Variants in RNF14 observed in about 807,000 individuals in gnomAD.
RNF14 encodes E3 ubiquitin-protein ligase RNF14.
RNF14 carries 26 observed loss-of-function variants against 52.6 expected under a neutral mutation model. The ratio of observed to expected loss-of-function variants is 0.49; its 90% CI spans 0.36 to 0.69. The LOEUF (loss-of-function observed/expected upper bound fraction) is 0.69, where lower values mean the gene tolerates loss of function less well. Ranked by LOEUF, RNF14 falls within the 30% of genes least tolerant of loss-of-function variation. RNF14 has a pLI of 0.00. For missense variants in RNF14, 404 were observed against 560.4 expected (o/e 0.72, Z 2.82); for synonymous variants, 194 against 202.0 (o/e 0.96, Z 0.34).
upstream of RNF14, among the ~76,000 whole-genome samples, chr5:141,967,208 A>T (rs1392789509): frequency 6.6e-6 from 1 of 152,216 alleles, no homozygotes; most frequent in Non-Finnish European, 1.5e-5. Context: ...AAGACCAACT[A>T]CATAATTTAC....
upstream of RNF14, among the ~76,000 whole-genome samples, chr5:141,965,116 C>A (rs1483966636): frequency 6.6e-6 from 1 of 152,182 alleles, no homozygotes; most frequent in East Asian, 1.9e-4. Flanking sequence ...TTTTCCTCTC[C>A]ACACTGCTGC....
chr5:141,974,235 A>G (rs1412578325), intron 3 of RNF14, among the ~76,000 whole-genome samples: 1 of 152,248 alleles, frequency 6.6e-6, no homozygotes, highest in African/African-American at 2.4e-5. Flanking sequence ...CACTTTCTCA[A>G]AATGTTTCTA....
chr5:141,965,133 G>C (rs1753313253), upstream of RNF14, among the ~76,000 whole-genome samples: 1 of 152,164 alleles, frequency 6.6e-6, no homozygotes, highest in Non-Finnish European at 1.5e-5. Flanking sequence ...CTGCCCCTCT[G>C]TGTTCAAGGG....
rs201399386 is a variant in RNF14 at position 141,979,236 on chromosome 5, T to G, written c.834+406T>G. ...ACAGCCTACTTAGGTGGTGGTGGTG[T>G]TGTTGTTGTTGTTGTTGTTGTTGTT... On this transcript the variant is annotated intron_variant, in intron 5 of 8. Coordinates refer to ENST00000394520, the MANE Select transcript of RNF14 (RefSeq NM_004290.5). Among the ~76,000 whole-genome samples, 431 of 151,222 alleles carry G rather than the reference T, an allele frequency of 2.9e-3. 1 individual carries two copies. Among genetic ancestry groups the G allele is most frequent in the Middle Eastern group, 6.9e-3 (2 of 290 alleles).
rs1389077711 is a variant in RNF14, at chr5:141,987,735, T to A, written c.1370T>A (p.Leu457Gln). The change falls in exon 9 of 9, where the codon CTG becomes CAG. Residue 457 changes from leucine (L) to glutamine (Q), a missense_variant and splice_region_variant. Transcript: ENST00000394520. ...NDPGSPCFNRLFYAVDVDDDI... is the reference protein window; with the variant it reads ...NDPGSPCFNRQFYAVDVDDDI... The stretch of plus-strand genomic sequence containing the variant: ...TGTACCTTTTTTAATGCTTCCAGGC[T>A]GTTTTATGCTGTGGATGTTGACGAC... The A allele has an allele frequency of 6.2e-7, 1 of 1,614,010 alleles. No individual in the cohort carries two copies. The highest frequency in any genetic ancestry group is 8.5e-7 in the Non-Finnish European group (1 of 1,179,926).
At chr5:141,970,015 A>C (rs1305073272) in intron 1 of RNF14, among the ~76,000 whole-genome samples, 1 of 152,242 alleles carries the variant, frequency 6.6e-6, no homozygotes, top group East Asian at 1.9e-4. Flanking sequence ...TGCTCAATTA[A>C]TGTAAATTGA....
At chr5:141,957,036 G>T, upstream of RNF14, 1 of 1,614,196 alleles carries the variant, frequency 6.2e-7, no homozygotes. The surrounding 1 kb of genome is among the most constrained non-coding windows in gnomAD (Gnocchi z 4.3). Flanking sequence ...TGGGGCCTTG[G>T]TCAGGGTCTG....
Position 141,983,385 on chromosome 5 carries a change from T to G in RNF14, c.1069T>G (p.Leu357Val). ...VSPCKVTAEK[L>V]MDLRNEYLQA... ...TTTTCCATTTCACTTTGTAGAGAAA[T>G]TAATGGACTTACGAAATGAATACCT... The change falls in exon 7 of 9, where the codon TTA (leucine) becomes GTA (valine). Residue 357 changes from leucine (L) to valine (V), a missense_variant. Transcript: ENST00000394520. 1 of 1,610,910 alleles carries G rather than the reference T, an allele frequency of 6.2e-7. No homozygotes were observed. Among genetic ancestry groups the G allele is most frequent in the Non-Finnish European group, 8.5e-7 (1 of 1,179,068 alleles).
At chr5:141,967,898 T>G (rs1454233678), upstream of RNF14, among the ~76,000 whole-genome samples, 1 of 152,212 alleles carries the variant, frequency 6.6e-6, no homozygotes, top group East Asian at 1.9e-4. Flanking sequence ...TGGTTTCTAG[T>G]ACACTCACAA....
chr5:141,949,914 G>A, the RNF14 span, among the ~76,000 whole-genome samples: 1 of 152,158 alleles, frequency 6.6e-6, no homozygotes, highest in African/African-American at 2.4e-5. Context: ...TATCATTCTC[G>A]TTGCCCCTCC....
At chr5:141,949,687 A>T in the RNF14 span, 1 of 1,391,606 alleles carries the variant, frequency 7.2e-7, no homozygotes, top group South Asian at 1.4e-5. Flanking sequence ...AGGGAACTGG[A>T]TACACAGCCT....
At chr5:141,950,603 A>G in the RNF14 span, among the ~76,000 whole-genome samples, 1 of 152,150 alleles carries the variant, frequency 6.6e-6, no homozygotes, top group Non-Finnish European at 1.5e-5. Flanking sequence ...TAAGAGATAA[A>G]GCAAGACTTC....
Position 141,984,893 on chromosome 5 carries a change from T to TA in RNF14, c.1328dup (p.Tyr443Ter). 6.2e-7 allele frequency: 1 copy of TA among 1,613,998 alleles called. No individual in the cohort carries two copies. Residue 443 changes from tyrosine to a stop codon, truncating the protein, a stop_gained and frameshift_variant, in exon 8 of 9, where the codon TAC becomes TAAC. Coordinates refer to ENST00000394520, the MANE Select transcript of RNF14 (RefSeq NM_004290.5). LOFTEE classifies it high-confidence loss of function. ...CMGSLSRANP[Y>*]KHFNDPGSPC... ...GGGTTCTCTCTCTAGAGCAAACCCT[T>TA]ACAAACATTTCAATGACCCTGGTTC...
At position 141,987,817 on chromosome 5, in the gene RNF14, G is replaced by A. The variant is rs1412058261; in HGVS notation, c.*27G>A. The A allele has an allele frequency of 6.2e-7, 1 of 1,606,480 alleles. No individual in the cohort carries two copies. The highest frequency in any genetic ancestry group is 1.7e-5 in the Admixed American group (1 of 59,916). On this transcript the variant is annotated 3_prime_UTR_variant, in exon 9 of 9. Coordinates refer to ENST00000394520, the MANE Select transcript of RNF14 (RefSeq NM_004290.5). ...TAACTACTGCTCAAGATATGGAAGT[G>A]GATTGTTTTTCCCTAATCTTCCGTC...
upstream of RNF14, chr5:141,956,792 C>A: frequency 1.9e-6 from 3 of 1,614,192 alleles, no homozygotes; most frequent in Non-Finnish European, 1.7e-6. Flanking sequence ...GCCCATGTGA[C>A]GTGGATGCTT....
intron 1 of RNF14, chr5:141,969,436 A>G (rs1376836745): frequency 6.6e-6 from 1 of 152,314 alleles, no homozygotes; most frequent in Admixed American, 6.5e-5. Flanking sequence ...CAGCTCACAC[A>G]TCCGCATTGC....
chr5:141,954,973 T>C, upstream of RNF14: 7 of 1,608,686 alleles, frequency 4.4e-6, no homozygotes, highest in Non-Finnish European at 6.0e-6. Context: ...CCCAGGTACC[T>C]GAACAGGAGG....
chr5:141,983,677 C>T (rs528934030), intron 7 of RNF14, 125 bp downstream of exon 7: 143 of 777,828 alleles, frequency 1.8e-4, no homozygotes, highest in Non-Finnish European at 2.6e-4. Context: ...CACCTTCTTA[C>T]GTGGAAGGTG....
intron 4 of RNF14, among the ~76,000 whole-genome samples, chr5:141,976,049 G>A (rs1287396864): frequency 2.0e-5 from 3 of 152,132 alleles, no homozygotes; most frequent in Non-Finnish European, 4.4e-5. Flanking sequence ...AATCTTTTAA[G>A]TGAGAGTACT....
Sources: gnomAD v4.1 joint callset for allele counts (sites outside exome capture counted in the v4.1 genomes callset) on GRCh38, gnomAD v4.1.1 for gene constraint, Gnocchi (gnomAD v3.1) non-coding constraint, MANE v1.5 for transcripts, NCBI Gene and HGNC (gene_info 2026-07-23, HGNC 2026-07-21) for gene names.